The following AOPEP variants were observed in gnomAD, a reference collection of about 807,000 sequenced individuals.
AOPEP encodes the protein aminopeptidase O.
In AOPEP, 77 loss-of-function variants were observed where a neutral mutation model predicts 98.1. The observed-to-expected ratio is 0.78, with a 90% CI of 0.65 to 0.95. The LOEUF is 0.95. Ranked by LOEUF, AOPEP falls within the 40% of genes least tolerant of loss-of-function variation. The probability of loss-of-function intolerance (pLI) is 0.00; values close to 1 mark genes in which losing one functional copy is unlikely to be tolerated. For synonymous variants in AOPEP, 346 were observed against 365.3 expected, an observed-to-expected ratio of 0.95 and a Z score of 0.60; for missense variants, 1,024 against 1,024.7, an observed-to-expected ratio of 1.00 and a Z score of 0.01.
intron 2 of AOPEP, among the ~76,000 whole-genome samples, chr9:94,770,224 C>T (rs1840554041): frequency 2.0e-5 from 3 of 152,228 alleles, no homozygotes; most frequent in Admixed American, 2.0e-4. Context: ...TGGACCCATC[C>T]TGTTCTTCCT....
chr9:95,009,402 A>G (rs1036379526), intron 13 of AOPEP, among the ~76,000 whole-genome samples: 3 of 152,214 alleles, frequency 2.0e-5, no homozygotes, highest in African/African-American at 7.2e-5. Flanking sequence ...TATGACTGGT[A>G]TATGATTCCT....
intron 14 of AOPEP, among the ~76,000 whole-genome samples, chr9:95,062,408 T>C (rs1404354589): frequency 6.6e-6 from 1 of 152,360 alleles, no homozygotes; most frequent in East Asian, 1.9e-4. Flanking sequence ...AAGGGTAAGC[T>C]TGCTGCCTCC....
At chr9:94,895,140 G>A (rs1254223045) in intron 5 of AOPEP, among the ~76,000 whole-genome samples, 1 of 151,740 alleles carries the variant, frequency 6.6e-6, no homozygotes, top group East Asian at 1.9e-4. Flanking sequence ...TTGGAAGGCC[G>A]AGGCAGGAGG....
chr9:94,730,441 C>G (rs1587925649), intron 1 of AOPEP, among the ~76,000 whole-genome samples: 1 of 152,160 alleles, frequency 6.6e-6, no homozygotes, highest in South Asian at 2.1e-4. Flanking sequence ...GTGATTATTT[C>G]CACTTCCAGG....
chr9:95,005,325 C>A, intron 12 of AOPEP, 105 bp downstream of exon 12: 4 of 732,928 alleles, frequency 5.5e-6, no homozygotes, highest in Non-Finnish European at 7.4e-6. Context: ...GCGGGGACTA[C>A]CCGCCAGGCT....
the AOPEP span, chr9:95,100,885 C>T: frequency 4.3e-6 from 1 of 232,268 alleles, no homozygotes; most frequent in African/African-American, 2.2e-5. Context: ...CTGCCTTGGC[C>T]TCCCAAAGTG....
chr9:95,123,571 C>T, the AOPEP span: 37 of 568,220 alleles, frequency 6.5e-5, no homozygotes, highest in Admixed American at 1.1e-4. Context: ...GCCGCGGCCA[C>T]GTGCAGCCTA....
At chr9:95,044,821 C>G (rs2065688973) in intron 13 of AOPEP, among the ~76,000 whole-genome samples, 1 of 152,090 alleles carries the variant, frequency 6.6e-6, no homozygotes, top group Non-Finnish European at 1.5e-5. Flanking sequence ...GCCCCTAGGG[C>G]CTGCACTAGA....
chr9:95,006,700 G>A (rs774426162), intron 13 of AOPEP, among the ~76,000 whole-genome samples: 1 of 152,048 alleles, frequency 6.6e-6, no homozygotes, highest in Non-Finnish European at 1.5e-5. Flanking sequence ...CACTTCAGTT[G>A]AAGAATAATA....
chr9:94,901,802 G>A (rs567961334), intron 5 of AOPEP, among the ~76,000 whole-genome samples: 2 of 152,098 alleles, frequency 1.3e-5, no homozygotes, highest in South Asian at 2.1e-4. Flanking sequence ...TTAGCCGGGC[G>A]TCGTGGAGCA....
chr9:95,132,227 C>T, the AOPEP span, among the ~76,000 whole-genome samples: 11 of 152,282 alleles, frequency 7.2e-5, 1 homozygote, highest in African/African-American at 2.6e-4. Flanking sequence ...AGCTTGCCAG[C>T]CAAGCACAGT....
At chr9:95,015,111 T>C (rs2062867866) in intron 13 of AOPEP, among the ~76,000 whole-genome samples, 1 of 152,224 alleles carries the variant, frequency 6.6e-6, no homozygotes, top group Admixed American at 6.5e-5. Context: ...GGCTAGAGTT[T>C]CCATGCCTGG....
intron 2 of AOPEP, among the ~76,000 whole-genome samples, chr9:94,772,723 G>A (rs530430702): frequency 2.6e-5 from 4 of 152,158 alleles, no homozygotes; most frequent in African/African-American, 4.8e-5. Flanking sequence ...TAACTTGGCC[G>A]ATTAGTATTT....
intron 11 of AOPEP, among the ~76,000 whole-genome samples, chr9:94,981,658 C>T (rs1171219781): frequency 1.3e-5 from 2 of 152,150 alleles, no homozygotes; most frequent in Non-Finnish European, 1.5e-5. Flanking sequence ...GGACCTGGGA[C>T]CCTCCGGTTG....
intron 5 of AOPEP, among the ~76,000 whole-genome samples, chr9:94,854,913 T>C (rs952762190): frequency 1.3e-5 from 2 of 152,018 alleles, no homozygotes; most frequent in Admixed American, 1.3e-4. Context: ...AGTAAGAAAA[T>C]GAACTACCTG....
At chr9:94,984,870 T>C (rs1262728276) in intron 11 of AOPEP, among the ~76,000 whole-genome samples, 1 of 152,208 alleles carries the variant, frequency 6.6e-6, no homozygotes, top group East Asian at 1.9e-4. Flanking sequence ...AGCTGGTTAA[T>C]CCATAGACAC....
intron 13 of AOPEP, among the ~76,000 whole-genome samples, chr9:95,052,487 C>T (rs1390629036): frequency 6.6e-6 from 1 of 152,056 alleles, no homozygotes; most frequent in Non-Finnish European, 1.5e-5. Flanking sequence ...GAGGAAAAAC[C>T]ATATTATCAC....
the AOPEP span, among the ~76,000 whole-genome samples, chr9:95,136,491 TAA>T: frequency 6.9e-6 from 1 of 144,320 alleles, no homozygotes. Flanking sequence ...AAGATTCCTT[TAA>T]AAAAAAAAAA....
chr9:94,858,147 G>A (rs762784948), intron 5 of AOPEP, among the ~76,000 whole-genome samples: 2 of 151,836 alleles, frequency 1.3e-5, no homozygotes, highest in Non-Finnish European at 2.9e-5. Flanking sequence ...TTTGTCTTCC[G>A]ATTTTCCGAT....
Sources: gnomAD v4.1 joint callset for allele counts (sites outside exome capture counted in the v4.1 genomes callset) on GRCh38, gnomAD v4.1.1 for gene constraint, MANE v1.5 for transcripts, NCBI Gene and HGNC (gene_info 2026-07-23, HGNC 2026-07-21) for gene names.